SEC24D: variants seen among roughly 807,000 people sequenced by gnomAD.
The protein encoded by SEC24D is SEC24 homolog D, COPII component, also known as protein transport protein Sec24D.
SEC24D carries 69 observed loss-of-function variants against 116.9 expected under a neutral mutation model. The observed-to-expected ratio is 0.59, with a 90% CI of 0.49 to 0.72. SEC24D has a LOEUF of 0.72. Ranked by LOEUF, SEC24D falls within the 30% of genes least tolerant of loss-of-function variation. The probability of loss-of-function intolerance (pLI) is 0.00; values close to 1 mark genes in which losing one functional copy is unlikely to be tolerated. For synonymous variants in SEC24D, 405 were observed against 442.8 expected (o/e 0.91, Z 1.07); for missense variants, 1,131 against 1,264.1 (o/e 0.89, Z 1.60).
At chr4:118,834,479 C>A (rs1731006404) in intron 1 of SEC24D, among the ~76,000 whole-genome samples, 1 of 151,582 alleles carries the variant, frequency 6.6e-6, no homozygotes, top group Non-Finnish European at 1.5e-5. Context: ...ACAGACTCAT[C>A]TTGATTTTTT....
Position 118,745,056 on chromosome 4 carries a change from G to A in SEC24D, c.1712C>T (p.Ala571Val). Residue 571 changes from alanine to valine, a missense_variant, in exon 14 of 23, where the codon GCA becomes GTA. Ala to Val is a moderately conservative substitution (Grantham distance 64). Transcript: ENST00000280551. ...IQAGMEALKA[A>V]DCPGKLFIFH... Reference sequence around the variant, plus strand: ...GATGAACAGCTTCCCAGGACAGTCTGCTGCCTAAAAAAAAAAAAAAACCCA... The same window carrying A: ...GATGAACAGCTTCCCAGGACAGTCTACTGCCTAAAAAAAAAAAAAAACCCA... 6.4e-7 allele frequency: 1 copy of A among 1,558,462 alleles called. No homozygotes were observed. The highest frequency in any genetic ancestry group is 8.7e-7 in the Non-Finnish European group (1 of 1,152,392).
intron 7 of SEC24D, among the ~76,000 whole-genome samples, chr4:118,798,436 G>A (rs1335843358): frequency 1.3e-5 from 2 of 152,120 alleles, no homozygotes; most frequent in African/African-American, 4.8e-5. Flanking sequence ...TGGCATATCC[G>A]AGTGTTAAAA....
chr4:118,828,232 C>T (rs1381522587), intron 2 of SEC24D, among the ~76,000 whole-genome samples: 1 of 152,082 alleles, frequency 6.6e-6, no homozygotes, highest in African/African-American at 2.4e-5. Flanking sequence ...CCTCAGCCTC[C>T]CGAGTAGCTG....
chr4:118,730,374 C>T (rs1725622687), intron 21 of SEC24D: 1 of 152,210 alleles, frequency 6.6e-6, no homozygotes, highest in South Asian at 2.1e-4. Context: ...ACACTTTTGA[C>T]ATTCCTCATG....
chr4:118,810,137 T>TGTGTGTGGGG (rs56961502), intron 6 of SEC24D, among the ~76,000 whole-genome samples: 9 of 104,280 alleles, frequency 8.6e-5, no homozygotes, highest in African/African-American at 9.6e-5. Flanking sequence ...TGTGTGTGTG[T>TGTGTGTGGGG]CAGAGGGTAT....
intron 2 of SEC24D, chr4:118,825,341 C>A: frequency 3.2e-6 from 1 of 315,436 alleles, no homozygotes; most frequent in Non-Finnish European, 6.2e-6. Flanking sequence ...GTCAGATTCA[C>A]CATGCTTGCT....
intron 13 of SEC24D, among the ~76,000 whole-genome samples, chr4:118,747,132 G>A (rs1166587400): frequency 2.0e-5 from 3 of 152,096 alleles, no homozygotes; most frequent in Non-Finnish European, 2.9e-5. Flanking sequence ...GACTAGCAAG[G>A]TTTTGGCCAG....
At position 118,769,064 on chromosome 4, in the gene SEC24D, A is replaced by G. The variant is rs565148505; in HGVS notation, c.1042-753T>C. Among the ~76,000 whole-genome samples, 3 of 152,320 alleles carry G rather than the reference A, an allele frequency of 2.0e-5. No homozygotes were observed. The South Asian group carries it at 6.2e-4, about 32-fold the overall frequency. ...TTGCATAGCAGTATGCTGTCTATGT[A>G]GTTCCCCCAAAGCACATAAACTATT... On this transcript the variant is annotated intron_variant, in intron 8 of 22. Coordinates refer to ENST00000280551, the MANE Select transcript of SEC24D (RefSeq NM_014822.4).
chr4:118,732,953 C>T (rs375291724), intron 19 of SEC24D, 41 bp from the exon 20 acceptor site: 1 of 1,511,338 alleles, frequency 6.6e-7, no homozygotes, highest in Non-Finnish European at 9.2e-7. Context: ...TTGATCTTTA[C>T]TGAGAACAAT....
intron 8 of SEC24D, among the ~76,000 whole-genome samples, chr4:118,777,773 T>C (rs937238126): frequency 1.3e-5 from 2 of 152,228 alleles, no homozygotes; most frequent in Non-Finnish European, 2.9e-5. Context: ...CCAGCATCTG[T>C]TGTTTCCTGA....
intron 2 of SEC24D, among the ~76,000 whole-genome samples, chr4:118,832,430 T>A (rs1426111403): frequency 6.6e-6 from 1 of 152,062 alleles, no homozygotes; most frequent in East Asian, 1.9e-4. Flanking sequence ...GAGTGTAAAC[T>A]ATGCTGAGCC....
At chr4:118,833,434 G>T in intron 2 of SEC24D, 145 bp downstream of exon 2, 2 of 622,746 alleles carry the variant, frequency 3.2e-6, no homozygotes, top group Admixed American at 2.9e-5. Flanking sequence ...TGCTATGAGA[G>T]CCTTTTCCAA....
At chr4:118,825,561 C>T (rs982678799) in intron 2 of SEC24D, 5 of 456,000 alleles carry the variant, frequency 1.1e-5, no homozygotes, top group African/African-American at 4.0e-5. Flanking sequence ...CCACTGGTTA[C>T]TTATTAGTTG....
chr4:118,732,878 A>G lies in SEC24D; in HGVS notation c.2531T>C (p.Val844Ala), dbSNP rs1029130080. ...GTTTTTCAACAAGCAATTCATGTAC[A>G]CTGGCAATACTTTCATGGAATCTGG... ...ILPDSMKVLP[V>A]YMNCLLKNCV... is the part of the protein sequence containing the mutation. The change falls in exon 20 of 23, where the codon GTG (valine) becomes GCG (alanine). Residue 844 changes from valine to alanine, a missense_variant. Transcript: ENST00000280551. The G allele has an allele frequency of 3.1e-6, 5 of 1,613,862 alleles. No homozygotes were observed. In the African/African-American group the frequency reaches 6.7e-5, roughly 21 times the overall value.
At chr4:118,749,047 C>A (rs908023292) in intron 13 of SEC24D, among the ~76,000 whole-genome samples, 5 of 151,590 alleles carry the variant, frequency 3.3e-5, no homozygotes, top group South Asian at 4.2e-4. Context: ...CAAATCTTAC[C>A]CCCAATTTTA....
chr4:118,768,049 A>G, intron 9 of SEC24D, 124 bp downstream of exon 9: 1 of 754,090 alleles, frequency 1.3e-6, no homozygotes, highest in Non-Finnish European at 2.0e-6. Context: ...TTCCTTCTAG[A>G]AAATTATAAA....
At chr4:118,823,584 G>C (rs1039873004) in intron 3 of SEC24D, among the ~76,000 whole-genome samples, 1 of 152,158 alleles carries the variant, frequency 6.6e-6, no homozygotes, top group African/African-American at 2.4e-5. Context: ...CACTGCCTGC[G>C]GCTTGGCACT....
At chr4:118,794,239 A>G (rs903992542) in intron 8 of SEC24D, among the ~76,000 whole-genome samples, 6 of 152,178 alleles carry the variant, frequency 3.9e-5, no homozygotes, top group Non-Finnish European at 7.3e-5. Flanking sequence ...TTTATTTTCC[A>G]GAAGACATTA....
At chr4:118,751,891 G>A (rs1006087650) in intron 13 of SEC24D, 105 bp downstream of exon 13, 4 of 821,804 alleles carry the variant, frequency 4.9e-6, no homozygotes, top group Admixed American at 2.4e-5. Context: ...AGTGACCCAC[G>A]TTTTAATGAA....
Sources: allele counts gnomAD v4.1 joint callset (sites outside exome capture counted in the v4.1 genomes callset), GRCh38; gene constraint gnomAD v4.1.1; transcripts MANE v1.5; gene names NCBI Gene and HGNC (gene_info 2026-07-23, HGNC 2026-07-21).